The following INPP5D variants were observed in gnomAD, a reference collection of about 807,000 sequenced individuals.
INPP5D encodes phosphatidylinositol 3,4,5-trisphosphate 5-phosphatase 1.
A neutral mutation model predicts 122.9 loss-of-function variants in INPP5D; 33 were observed. The observed-to-expected ratio is 0.27, with a 90% CI of 0.20 to 0.36. INPP5D has a LOEUF of 0.36. Ranked by LOEUF, INPP5D falls within the 10% of genes least tolerant of loss-of-function variation. INPP5D has a pLI of 1.00. For missense variants in INPP5D, 1,053 were observed against 1,412.7 expected (o/e 0.75, Z 4.08); for synonymous variants, 584 against 576.2 (o/e 1.01, Z -0.19).
rs528107840 is a variant in INPP5D at position 233,187,110 on chromosome 2, G to T, written c.2358+1185G>T. Among the ~76,000 whole-genome samples, 6 of 152,148 alleles carry T rather than the reference G, an allele frequency of 3.9e-5. No individual in the cohort carries two copies. The East Asian group carries it at 1.2e-3, about 30-fold the overall frequency. On this transcript the variant is annotated intron_variant, in intron 21 of 26. Coordinates refer to ENST00000445964, the MANE Select transcript of INPP5D (RefSeq NM_001017915.3). Reference sequence around the variant, plus strand: ...GAGGCGGGAGGATAACCTGAGCCTAGGAGATCCAGGCTGCAGTAAGCTATG... The same window carrying T: ...GAGGCGGGAGGATAACCTGAGCCTATGAGATCCAGGCTGCAGTAAGCTATG...
At chr2:233,137,820 G>GA in intron 5 of INPP5D, among the ~76,000 whole-genome samples, 1 of 47,240 alleles carries the variant, frequency 2.1e-5, no homozygotes, top group African/African-American at 7.7e-5. Context: ...CAACAAGAGC[G>GA]AAACTCCATC....
intron 20 of INPP5D, among the ~76,000 whole-genome samples, 168 bp from the exon 21 acceptor site, chr2:233,185,675 C>G (rs897459310): frequency 2.1e-5 from 3 of 146,066 alleles, no homozygotes; most frequent in Middle Eastern, 3.5e-3. Flanking sequence ...ACAGAATCCC[C>G]GGCAGGCCTG....
chr2:233,165,628 G>C (rs539423440), intron 13 of INPP5D, among the ~76,000 whole-genome samples: 1 of 151,618 alleles, frequency 6.6e-6, no homozygotes, highest in Admixed American at 6.6e-5. Flanking sequence ...GTACCACCCC[G>C]TATCTATGAG....
Position 233,164,939 on chromosome 2 carries a change from C to G in INPP5D, c.1555+515C>G, listed in dbSNP as rs1350473446. On this transcript the variant is annotated intron_variant, in intron 13 of 26. Transcript: ENST00000445964. This position sits in a 1 kb window ranked among gnomAD's most constrained non-coding sequence, Gnocchi z 4.3. ...GTGAGACCTTCCTTACAAGCACAGG[C>G]GGGAGGTGGCTGGCCCCTGCCCTCG... 6.6e-6 allele frequency among the ~76,000 whole-genome samples: 1 copy of G among 152,166 alleles called. No individual in the cohort carries two copies. The highest frequency in any genetic ancestry group is 1.5e-5 in the Non-Finnish European group (1 of 68,034).
At chr2:233,086,173 C>A (rs1691838652) in intron 2 of INPP5D, among the ~76,000 whole-genome samples, 1 of 145,406 alleles carries the variant, frequency 6.9e-6, no homozygotes, top group African/African-American at 2.6e-5. Flanking sequence ...TTCTTTCTTT[C>A]TTTCTTTCTT....
At position 233,171,060 on chromosome 2, in the gene INPP5D, T is replaced by C; in HGVS notation, c.1901-4T>C. On this transcript the variant is annotated splice_polypyrimidine_tract_variant and splice_region_variant and intron_variant, in intron 16 of 26. Coordinates refer to ENST00000445964, the MANE Select transcript of INPP5D (RefSeq NM_001017915.3). ...GAATTAAAACGAAAGTCTCTCTGTT[T>C]CAGAGGAGGAAGAAATCACGTTTGC... 6.2e-7 allele frequency: 1 copy of C among 1,613,778 alleles called. No individual in the cohort carries two copies. The highest frequency in any genetic ancestry group is 8.5e-7 in the Non-Finnish European group (1 of 1,179,844).
chr2:233,115,573 A>G (rs1692765993), intron 2 of INPP5D, among the ~76,000 whole-genome samples: 1 of 152,106 alleles, frequency 6.6e-6, no homozygotes, highest in Non-Finnish European at 1.5e-5. Context: ...CCTGAACCCC[A>G]GGGCCACAGG....
intron 2 of INPP5D, among the ~76,000 whole-genome samples, chr2:233,107,154 G>A (rs1692487826): frequency 6.6e-6 from 1 of 152,188 alleles, no homozygotes. Context: ...AGTTGACCTG[G>A]CATGAGGGTT....
At chr2:233,182,351 T>C (rs1694804662) in intron 18 of INPP5D, 59 bp from the exon 19 acceptor site, 1 of 1,606,424 alleles carries the variant, frequency 6.2e-7, no homozygotes, top group Admixed American at 1.7e-5. Flanking sequence ...GTTGCCATCC[T>C]TGGCCTGACC....
intron 17 of INPP5D, among the ~76,000 whole-genome samples, chr2:233,176,225 C>T (rs1253568188): frequency 1.3e-5 from 2 of 151,904 alleles, no homozygotes. Flanking sequence ...CTGGAGAGGG[C>T]TTGTCATATA....
Position 233,100,590 on chromosome 2 carries a change from C to G in INPP5D, c.198+21192C>G, listed in dbSNP as rs1016119478. On this transcript the variant is annotated intron_variant, in intron 2 of 26. Transcript: ENST00000445964. The surrounding 1 kb of genome is among the most constrained non-coding windows in gnomAD (Gnocchi z 5.3). Reference sequence around the variant, plus strand: ...TCCCCCATGGACTCATGGGCACCCCCGGTTGAGCTCGCTCACCCAGAGCTC... The same window carrying G: ...TCCCCCATGGACTCATGGGCACCCCGGGTTGAGCTCGCTCACCCAGAGCTC... 1.1e-4 allele frequency among the ~76,000 whole-genome samples: 17 copies of G among 152,238 alleles called. No individual in the cohort carries two copies. Among genetic ancestry groups the G allele is most frequent in the Non-Finnish European group, 2.5e-4 (17 of 68,044 alleles).
chr2:233,079,251 T>C, intron 1 of INPP5D, 84 bp from the exon 2 acceptor site: 1 of 850,046 alleles, frequency 1.2e-6, no homozygotes. Flanking sequence ...TTCCTCAAGC[T>C]GTGTCAGGAA....
intron 1 of INPP5D, among the ~76,000 whole-genome samples, chr2:233,071,324 T>G (rs1301845159): frequency 6.6e-6 from 1 of 152,052 alleles, no homozygotes; most frequent in Non-Finnish European, 1.5e-5. Context: ...TTATGTGTAT[T>G]TTTCTCAGCT....
rs1453847155 is a variant in INPP5D, at chr2:233,060,439, G to A, written c.-40G>A. 1.3e-6 allele frequency: 2 copies of A among 1,557,866 alleles called. No homozygotes were observed. Among genetic ancestry groups the A allele is most frequent in the Middle Eastern group, 2.0e-4 (1 of 4,990 alleles). On this transcript the variant is annotated 5_prime_UTR_variant, in exon 1 of 27. Transcript: ENST00000445964. ...TCCCCTCGGTGGTGTGTGGGTCCTG[G>A]GGGTGCCTGCCGGCCCGGCCGAGGA...
chr2:233,145,311 A>G, intron 6 of INPP5D: 1 of 456,160 alleles, frequency 2.2e-6, no homozygotes, highest in South Asian at 1.5e-5. Context: ...TGGGCCCTGT[A>G]TGTACTGAAC....
intron 3 of INPP5D, among the ~76,000 whole-genome samples, chr2:233,123,389 G>A (rs979220811): frequency 1.3e-5 from 2 of 151,882 alleles, no homozygotes; most frequent in South Asian, 2.1e-4. Flanking sequence ...AGGAGGTGGA[G>A]GTTGCAGTGA....
chr2:233,123,090 G>A (rs1693039970), intron 3 of INPP5D, among the ~76,000 whole-genome samples: 1 of 152,110 alleles, frequency 6.6e-6, no homozygotes, highest in South Asian at 2.1e-4. Flanking sequence ...GGAAGGATGA[G>A]GAAGGTGTTT....
At chr2:233,073,140 T>C (rs1208752491) in intron 1 of INPP5D, among the ~76,000 whole-genome samples, 2 of 152,092 alleles carry the variant, frequency 1.3e-5, no homozygotes, top group African/African-American at 4.8e-5. Flanking sequence ...CCCCGGAGAT[T>C]TGCTGGCTGC....
chr2:233,142,232 A>T (rs1033923424), intron 6 of INPP5D, among the ~76,000 whole-genome samples: 4 of 152,142 alleles, frequency 2.6e-5, no homozygotes, highest in African/African-American at 9.7e-5. Context: ...CCTCCCCTTT[A>T]TGAGACCCTG....
Sources: allele counts gnomAD v4.1 joint callset (sites outside exome capture counted in the v4.1 genomes callset), GRCh38; gene constraint gnomAD v4.1.1; non-coding constraint Gnocchi (gnomAD v3.1); transcripts MANE v1.5; gene names NCBI Gene and HGNC (gene_info 2026-07-23, HGNC 2026-07-21).